The following KLHL32 variants were observed in gnomAD, a reference collection of about 807,000 sequenced individuals.
KLHL32 encodes kelch-like protein 32.
In KLHL32, 35 loss-of-function variants were observed where a neutral mutation model predicts 64.8. The observed-to-expected ratio is 0.54, with a 90% CI of 0.41 to 0.72. The LOEUF (loss-of-function observed/expected upper bound fraction) is 0.72. Ranked by LOEUF, KLHL32 falls within the 30% of genes least tolerant of loss-of-function variation. KLHL32 has a pLI of 0.00. For missense variants in KLHL32, 589 were observed against 768.5 expected (o/e 0.77, Z 2.76); for synonymous variants, 259 against 281.0 (o/e 0.92, Z 0.78).
chr6:97,026,093 A>ATT (rs1782688652), intron 3 of KLHL32, among the ~76,000 whole-genome samples: 1 of 151,996 alleles, frequency 6.6e-6, no homozygotes, highest in Non-Finnish European at 1.5e-5. Context: ...AAATAAATAC[A>ATT]TTATATATAT....
At chr6:96,916,363 A>G in the KLHL32 span, among the ~76,000 whole-genome samples, 1 of 96,996 alleles carries the variant, frequency 1.0e-5, no homozygotes, top group African/African-American at 5.0e-5. Flanking sequence ...CAAATATAGA[A>G]GTACAGTCTT....
chr6:97,092,783 G>T (rs1038333700), intron 6 of KLHL32, among the ~76,000 whole-genome samples: 1 of 152,190 alleles, frequency 6.6e-6, no homozygotes, highest in Non-Finnish European at 1.5e-5. Flanking sequence ...TTTGTCTGGG[G>T]TATATGCCTT....
intron 4 of KLHL32, among the ~76,000 whole-genome samples, chr6:97,053,677 T>A (rs1787318990): frequency 6.6e-6 from 1 of 152,026 alleles, no homozygotes; most frequent in South Asian, 2.1e-4. Context: ...TGTAATTTAC[T>A]TCAACTTCTT....
At chr6:96,911,394 T>C in the KLHL32 span, among the ~76,000 whole-genome samples, 1 of 152,100 alleles carries the variant, frequency 6.6e-6, no homozygotes, top group Non-Finnish European at 1.5e-5. Context: ...ATTTTCAACT[T>C]CCCCCCATGG....
intron 1 of KLHL32, among the ~76,000 whole-genome samples, chr6:96,931,995 G>A (rs1330995022): frequency 6.6e-6 from 1 of 152,148 alleles, no homozygotes; most frequent in East Asian, 1.9e-4. Flanking sequence ...GGATATCTGA[G>A]TGGAGGAGAT....
At chr6:96,930,903 G>T (rs919824531) in intron 1 of KLHL32, among the ~76,000 whole-genome samples, 3 of 151,990 alleles carry the variant, frequency 2.0e-5, no homozygotes, top group African/African-American at 7.3e-5. Flanking sequence ...TCTCTTCAGG[G>T]GTCCACATCT....
At chr6:97,116,060 G>A (rs1797779835) in intron 7 of KLHL32, among the ~76,000 whole-genome samples, 2 of 152,130 alleles carry the variant, frequency 1.3e-5, no homozygotes, top group Admixed American at 1.3e-4. Flanking sequence ...CGGTGCCTCA[G>A]TTATTGGCAA....
Position 97,064,651 on chromosome 6 carries a change from C to T in KLHL32, c.336C>T (p.Ile112=). The T allele has an allele frequency of 6.2e-7, 1 of 1,614,026 alleles. No individual in the cohort carries two copies. The highest frequency in any genetic ancestry group is 1.1e-5 in the South Asian group (1 of 91,070). Residue 112 remains isoleucine, a synonymous_variant, in exon 5 of 11, where the codon ATC becomes ATT. Transcript: ENST00000369261. The part of the protein sequence containing the change: ...TGQILLEPGV[I]QDVLAAGSHL... ...AGATTTTGCTGGAGCCAGGTGTGAT[C>T]CAGGATGTGCTAGCAGCGGGCAGTC...
At chr6:96,987,124 C>T (rs762414736) in intron 3 of KLHL32, among the ~76,000 whole-genome samples, 60 of 152,208 alleles carry the variant, frequency 3.9e-4, no homozygotes, top group Middle Eastern at 3.4e-3. Flanking sequence ...GTCTTGCTAG[C>T]GGTCTATCAA....
intron 1 of KLHL32, among the ~76,000 whole-genome samples, chr6:96,937,872 A>C (rs896808992): frequency 2.0e-5 from 3 of 152,024 alleles, no homozygotes; most frequent in Non-Finnish European, 4.4e-5. Flanking sequence ...CTTTCTAAAA[A>C]CTTCTGGCAA....
chr6:97,091,971 CTCTT>C (rs199571545), intron 6 of KLHL32, among the ~76,000 whole-genome samples: 5 of 140,754 alleles, frequency 3.6e-5, no homozygotes, highest in Admixed American at 7.3e-5. Context: ...TTCTTCAATT[CTCTT>C]TCTTTCTTTT....
At chr6:96,986,969 T>C (rs1414360200) in intron 3 of KLHL32, among the ~76,000 whole-genome samples, 4 of 152,244 alleles carry the variant, frequency 2.6e-5, no homozygotes, top group Admixed American at 2.6e-4. Flanking sequence ...TCGCTCACGC[T>C]GGGAGCTGTA....
intron 2 of KLHL32, among the ~76,000 whole-genome samples, chr6:96,970,040 C>T (rs1261726963): frequency 6.6e-6 from 1 of 152,154 alleles, no homozygotes; most frequent in Non-Finnish European, 1.5e-5. Context: ...TCCCACTCAC[C>T]TCCATATGTA....
Position 97,082,138 on chromosome 6 carries a change from G to A in KLHL32, c.412-2988G>A, listed in dbSNP as rs887778975. Among the ~76,000 whole-genome samples the A allele has an allele frequency of 4.6e-5, 7 of 152,188 alleles. 1 individual carries two copies. Among genetic ancestry groups the A allele is most frequent in the Admixed American group, 4.6e-4 (7 of 15,274 alleles). ...GTAATTTAGGACACTGTTGCAAGAA[G>A]TCCAGACGGGATGATAAGGAACAGA... On this transcript the variant is annotated intron_variant, in intron 5 of 10. Transcript: ENST00000369261.
intron 3 of KLHL32, among the ~76,000 whole-genome samples, chr6:97,003,889 G>C (rs1013633966): frequency 6.6e-6 from 1 of 152,158 alleles, no homozygotes; most frequent in Admixed American, 6.5e-5. Context: ...TTTGGTTACT[G>C]TAGTCTGGTA....
At chr6:97,017,343 C>T (rs1781355262) in intron 3 of KLHL32, among the ~76,000 whole-genome samples, 1 of 152,158 alleles carries the variant, frequency 6.6e-6, no homozygotes, top group African/African-American at 2.4e-5. Context: ...TCTTAATCTC[C>T]AGGGTTCTTA....
At chr6:97,017,994 T>G (rs1355152855) in intron 3 of KLHL32, among the ~76,000 whole-genome samples, 1 of 152,146 alleles carries the variant, frequency 6.6e-6, no homozygotes, top group Non-Finnish European at 1.5e-5. Context: ...GAATTTGGGT[T>G]TTATCTATTA....
chr6:97,126,085 CA>C (rs1405821217), intron 7 of KLHL32, among the ~76,000 whole-genome samples: 1 of 152,112 alleles, frequency 6.6e-6, no homozygotes, highest in Non-Finnish European at 1.5e-5. Context: ...AGCATTTTAA[CA>C]GTGTTTGTTT....
intron 2 of KLHL32, among the ~76,000 whole-genome samples, chr6:96,974,397 G>C (rs2128042321): frequency 6.6e-6 from 1 of 152,170 alleles, no homozygotes; most frequent in South Asian, 2.1e-4. Context: ...TCTAGACTTT[G>C]CATAGAAACT....
Sources: gnomAD v4.1 joint callset for allele counts (sites outside exome capture counted in the v4.1 genomes callset) on GRCh38, gnomAD v4.1.1 for gene constraint, MANE v1.5 for transcripts, NCBI Gene and HGNC (gene_info 2026-07-23, HGNC 2026-07-21) for gene names.